The following GON4L variants were observed in gnomAD, a reference collection of about 807,000 sequenced individuals.
GON4L encodes the protein GON-4-like protein.
A neutral mutation model predicts 211.8 loss-of-function variants in GON4L; 87 were observed. The ratio of observed to expected loss-of-function variants is 0.41; its 90% CI spans 0.35 to 0.49. GON4L has a LOEUF of 0.49. GON4L is among the 20% of genes least tolerant of loss of function. The pLI, the probability that GON4L is intolerant of heterozygous loss-of-function variation, is 0.15. For synonymous variants in GON4L, 875 were observed against 962.6 expected (o/e 0.91, Z 1.68); for missense variants, 2,155 against 2,659.5 (o/e 0.81, Z 4.17).
Position 155,765,270 on chromosome 1 carries a change from G to T in GON4L, c.4203C>A (p.Thr1401=). 6.2e-7 allele frequency: 1 copy of T among 1,614,038 alleles called. No individual in the cohort carries two copies. The highest frequency in any genetic ancestry group is 8.5e-7 in the Non-Finnish European group (1 of 1,179,882). The change falls in exon 21 of 32, where the codon ACC becomes ACA. Residue 1401 remains threonine, a synonymous_variant. Coordinates refer to ENST00000368331, the MANE Select transcript of GON4L (RefSeq NM_001282860.2). ...SSSQEPPDEG[T]SGTDVNKGSS... is the part of the protein sequence containing the mutation. ...ATCCTTTGTTCACATCTGTCCCTGA[G>T]GTTCCTTCATCAGGGGGCTCTTGAG...
At position 155,751,758 on chromosome 1, in the gene GON4L, C is replaced by A. The variant is rs374668030; in HGVS notation, c.6576+9G>T. The A allele has an allele frequency of 3.8e-6, 6 of 1,595,192 alleles. No individual in the cohort carries two copies. The Admixed American group carries it at 5.1e-5, about 14-fold the overall frequency. On this transcript the variant is annotated intron_variant, in intron 31 of 31. Coordinates refer to ENST00000368331, the MANE Select transcript of GON4L (RefSeq NM_001282860.2). ...TTTTTGCCAGGTCTTCACCCCAACC[C>A]GCACCTACCTCAGCAGGGGTCTTAT...
chr1:155,827,648 T>C (rs1165127022), intron 2 of GON4L, among the ~76,000 whole-genome samples: 1 of 150,314 alleles, frequency 6.7e-6, no homozygotes, highest in African/African-American at 2.5e-5. Flanking sequence ...ATTCCACCAC[T>C]GCACTCCAGA....
chr1:155,825,962 G>C (rs2102293997), intron 3 of GON4L, among the ~76,000 whole-genome samples: 1 of 152,208 alleles, frequency 6.6e-6, no homozygotes, highest in Admixed American at 6.5e-5. Flanking sequence ...AGAATCGCTT[G>C]AACCTGGGAG....
intron 17 of GON4L, 94 bp from the exon 18 acceptor site, chr1:155,773,304 T>G: frequency 2.2e-6 from 3 of 1,382,100 alleles, no homozygotes; most frequent in Non-Finnish European, 3.0e-6. Context: ...AGGTAGGAGC[T>G]ATCCTTACCT....
In GON4L at chr1:155,765,279, A is replaced by C. The variant is rs368690212; in HGVS notation, c.4194T>G (p.Asp1398Glu). The C allele has an allele frequency of 6.2e-7, 1 of 1,614,036 alleles. No individual in the cohort carries two copies. Among genetic ancestry groups the C allele is most frequent in the Non-Finnish European group, 8.5e-7 (1 of 1,179,892 alleles). Residue 1398 changes from aspartate to glutamate, a missense_variant, in exon 21 of 32, where the codon GAT (aspartate) becomes GAG (glutamate). Around this residue, in one of 6 missense-constraint regions of GON4L, gnomAD observed 615 missense variants for 625.7 expected, o/e 0.98. Coordinates refer to ENST00000368331, the MANE Select transcript of GON4L (RefSeq NM_001282860.2). ...KTPSSSQEPP[D>E]EGTSGTDVNK... is the part of the protein sequence containing the mutation. ...TCACATCTGTCCCTGAGGTTCCTTC[A>C]TCAGGGGGCTCTTGAGAAGATGAAG...
intron 27 of GON4L, chr1:155,756,715 A>C (rs1036815874): frequency 8.1e-5 from 35 of 432,734 alleles, no homozygotes; most frequent in Non-Finnish European, 1.3e-4. Context: ...ACTTGAGGTA[A>C]GGAGTTCGAG....
intron 10 of GON4L, among the ~76,000 whole-genome samples, chr1:155,810,347 T>C (rs1667636864): frequency 6.6e-6 from 1 of 152,170 alleles, no homozygotes. Context: ...TATCATACTT[T>C]AAAATTTTAG....
Position 155,771,112 on chromosome 1 carries a change from TCTCA to T in GON4L, c.2597_2600del (p.Val866GlufsTer7). On this transcript the variant is annotated frameshift_variant, in exon 19 of 32. Transcript: ENST00000368331. LOFTEE classifies it high-confidence loss of function. ...CTCTGTTCATGTTGAGGTTCTTGAT[TCTCA>T]CTGTCAGTTGGTGGGCAGTTTTGCA... The T allele has an allele frequency of 6.2e-7, 1 of 1,614,182 alleles. No individual in the cohort carries two copies. Among genetic ancestry groups the T allele is most frequent in the East Asian group, 2.2e-5 (1 of 44,882 alleles).
chr1:155,852,175 AAAAAAAAAAG>A (rs1478466070), intron 2 of GON4L, among the ~76,000 whole-genome samples: 2 of 151,588 alleles, frequency 1.3e-5, no homozygotes, highest in Admixed American at 6.6e-5. Context: ...AAAAAAAAAA[AAAAAAAAAAG>A]AAGTCATCTC....
intron 2 of GON4L, among the ~76,000 whole-genome samples, chr1:155,833,932 A>G (rs922647981): frequency 1.3e-5 from 2 of 151,888 alleles, no homozygotes; most frequent in African/African-American, 4.8e-5. Context: ...GGCTCAAGCT[A>G]TCCCCCTAGC....
intron 3 of GON4L, 134 bp from the exon 4 acceptor site, chr1:155,822,610 T>C (rs1668833437): frequency 1.4e-6 from 1 of 720,996 alleles, no homozygotes; most frequent in African/African-American, 1.7e-5. Context: ...AAAGGACACA[T>C]ATTATATGAC....
chr1:155,757,487 A>G (rs1661315124), intron 25 of GON4L, among the ~76,000 whole-genome samples, 164 bp from the exon 26 acceptor site: 1 of 152,136 alleles, frequency 6.6e-6, no homozygotes, highest in Non-Finnish European at 1.5e-5. Context: ...CTTCCTCCTT[A>G]GCTGCCTATA....
Position 155,786,690 on chromosome 1 carries a change from C to A in GON4L, c.1748-1316G>T, listed in dbSNP as rs576389092. Among the ~76,000 whole-genome samples the A allele has an allele frequency of 1.3e-3, 192 of 152,262 alleles. 1 individual carries two copies. The highest frequency in any genetic ancestry group is 4.5e-3 in the African/African-American group (185 of 41,548). On this transcript the variant is annotated intron_variant, in intron 12 of 31. Transcript: ENST00000368331. ...TGTAAAGCTGAAAGGGACTGCCAATCCAACAGACGGAAAATTCAAAATTAT... is the reference window on the plus strand; with the variant it reads ...TGTAAAGCTGAAAGGGACTGCCAATACAACAGACGGAAAATTCAAAATTAT...
intron 2 of GON4L, among the ~76,000 whole-genome samples, chr1:155,849,539 G>GT (rs1671575015): frequency 7.9e-6 from 1 of 126,434 alleles, no homozygotes; most frequent in Non-Finnish European, 1.6e-5. Context: ...GAAAGACTCT[G>GT]TCTCAAAAAA....
upstream of GON4L, among the ~76,000 whole-genome samples, chr1:155,858,776 G>A (rs1218674004): frequency 2.1e-5 from 3 of 145,266 alleles, no homozygotes; most frequent in Non-Finnish European, 4.5e-5. Context: ...GCGCGATCTC[G>A]GTTCACTGCA....
Position 155,853,389 on chromosome 1 carries a change from C to T in GON4L, c.392G>A (p.Gly131Glu). 1.2e-6 allele frequency: 2 copies of T among 1,614,064 alleles called. No individual in the cohort carries two copies. Among genetic ancestry groups the T allele is most frequent in the Non-Finnish European group, 1.7e-6 (2 of 1,180,002 alleles). The change falls in exon 2 of 32, where the codon GGG becomes GAG. Residue 131 changes from glycine (G) to glutamate (E), a missense_variant. By Grantham distance (98) the Gly-to-Glu change is moderately conservative (BLOSUM62 -2). This residue lies in a region of GON4L where 313 missense variants were observed against 293.2 expected (regional missense o/e 1.07). Coordinates refer to ENST00000368331, the MANE Select transcript of GON4L (RefSeq NM_001282860.2). Reference sequence around the variant, plus strand: ...CCCAGGCCTGAGTGTCATTTTTTTCCCTCTCTTTGAGCCAGTAGCGTGGAG... The same window carrying T: ...CCCAGGCCTGAGTGTCATTTTTTTCTCTCTCTTTGAGCCAGTAGCGTGGAG... The part of the protein sequence containing the change: ...GKLHATGSKR[G>E]KKMTLRPGPV...
chr1:155,851,824 G>C (rs969986794), intron 2 of GON4L, among the ~76,000 whole-genome samples: 2 of 151,858 alleles, frequency 1.3e-5, no homozygotes, highest in African/African-American at 4.8e-5. Context: ...CAAATGCCTT[G>C]GTATGAAAAA....
intron 2 of GON4L, among the ~76,000 whole-genome samples, chr1:155,841,053 C>T (rs1670729003): frequency 6.6e-6 from 1 of 152,098 alleles, no homozygotes; most frequent in Admixed American, 6.5e-5. Flanking sequence ...AAGTAAACTG[C>T]TTTAATGAGA....
At chr1:155,769,852 A>T (rs1368220036) in intron 19 of GON4L, among the ~76,000 whole-genome samples, 1 of 151,874 alleles carries the variant, frequency 6.6e-6, no homozygotes, top group Non-Finnish European at 1.5e-5. Flanking sequence ...GGTGGGAGTA[A>T]GGGAGTGAGG....
Sources: allele counts gnomAD v4.1 joint callset (sites outside exome capture counted in the v4.1 genomes callset), GRCh38; gene constraint gnomAD v4.1.1; regional missense constraint gnomAD v4.1.1; transcripts MANE v1.5; gene names NCBI Gene and HGNC (gene_info 2026-07-23, HGNC 2026-07-21).